Variants in USP49 observed in about 807,000 individuals in gnomAD.
The protein encoded by USP49 is ubiquitin carboxyl-terminal hydrolase 49.
USP49 carries 24 observed loss-of-function variants against 58.6 expected under a neutral mutation model. The observed-to-expected ratio is 0.41, with a 90% CI of 0.30 to 0.58. The LOEUF (loss-of-function observed/expected upper bound fraction) is 0.58, where lower values mean the gene tolerates loss of function less well. USP49 is among the 20% of genes least tolerant of loss of function. The pLI is 0.30. For missense variants in USP49, 703 were observed against 866.1 expected (o/e 0.81, Z 2.36); for synonymous variants, 408 against 365.1 (o/e 1.12, Z -1.34).
chr6:41,806,677 G>C lies in USP49; in HGVS notation c.307C>G (p.Arg103Gly), dbSNP rs79607937. The C allele has an allele frequency of 1.9e-6, 3 of 1,614,124 alleles. No individual in the cohort carries two copies. The highest frequency in any genetic ancestry group is 2.5e-6 in the Non-Finnish European group (3 of 1,180,030). The part of the protein sequence containing the change: ...KLLRSSLLAV[R>G]GQKQDTPVRR... Reference sequence around the variant, plus strand: ...ACCGGCGTGTCCTGTTTCTGGCCCCGGACCGCCAGGAGGGAGCTTCTTAGC... The same window carrying C: ...ACCGGCGTGTCCTGTTTCTGGCCCCCGACCGCCAGGAGGGAGCTTCTTAGC... Residue 103 changes from arginine (R) to glycine (G), a missense_variant, in exon 4 of 8, where the codon CGG (arginine) becomes GGG (glycine). Physicochemically the swap from Arg to Gly is moderately radical, Grantham distance 125. Transcript: ENST00000682992. This position sits in a 1 kb window ranked among gnomAD's most constrained non-coding sequence, Gnocchi z 5.9.
chr6:41,876,074 C>T (rs111595888), intron 2 of USP49, among the ~76,000 whole-genome samples: 3,550 of 152,206 alleles, frequency 0.023, 114 homozygotes, highest in African/African-American at 0.074. Context: ...AAATGTCTTA[C>T]GACAAAAAGT....
intron 2 of USP49, among the ~76,000 whole-genome samples, chr6:41,888,506 T>C (rs983048449): frequency 1.3e-5 from 2 of 152,052 alleles, no homozygotes; most frequent in Non-Finnish European, 2.9e-5. Context: ...CAGGCTGGAG[T>C]ACAACAGCAC....
At chr6:41,839,370 G>A (rs1178656074) in intron 3 of USP49, among the ~76,000 whole-genome samples, 3 of 122,910 alleles carry the variant, frequency 2.4e-5, no homozygotes, top group African/African-American at 9.3e-5. Context: ...GTGCCACTGC[G>A]CTCCAGTCTG....
At chr6:41,842,898 C>T (rs191548482) in intron 3 of USP49, among the ~76,000 whole-genome samples, 161 of 150,520 alleles carry the variant, frequency 1.1e-3, no homozygotes, top group African/African-American at 3.5e-3. Context: ...ACTATATATA[C>T]ATGAATATGT....
chr6:41,883,817 C>T (rs1306612444), intron 2 of USP49, among the ~76,000 whole-genome samples: 1 of 151,836 alleles, frequency 6.6e-6, no homozygotes, highest in Non-Finnish European at 1.5e-5. Context: ...TGGGTCTGTG[C>T]CCCTGAGAAT....
At chr6:41,859,462 C>G (rs1774182918) in intron 3 of USP49, among the ~76,000 whole-genome samples, 2 of 152,188 alleles carry the variant, frequency 1.3e-5, no homozygotes, top group Admixed American at 6.5e-5. Flanking sequence ...AGCATACCTT[C>G]TATGTGCTCT....
intron 5 of USP49, among the ~76,000 whole-genome samples, chr6:41,800,441 C>T: frequency 6.6e-6 from 1 of 152,190 alleles, no homozygotes; most frequent in Non-Finnish European, 1.5e-5. Context: ...CTGTTACAAG[C>T]AACTCAAATC....
intron 3 of USP49, among the ~76,000 whole-genome samples, chr6:41,820,230 C>A (rs551833257): frequency 8.0e-5 from 12 of 150,866 alleles, no homozygotes; most frequent in African/African-American, 2.9e-4. Flanking sequence ...ATACAGTGAG[C>A]TGCACATATT....
At position 41,790,904 on chromosome 6, in the gene USP49, C is replaced by T. The variant is rs1561898935; in HGVS notation, c.*5629G>A. ...AGGGTCACATGAGAGCAAAGCTTAG[C>T]TTTGAAGCCATCACCTCCCAAATGG... On this transcript the variant is annotated 3_prime_UTR_variant, in exon 8 of 8. Coordinates refer to ENST00000682992, the MANE Select transcript of USP49 (RefSeq NM_001286554.2). 1 of 152,150 alleles carries T rather than the reference C, an allele frequency of 6.6e-6. No individual in the cohort carries two copies. Among genetic ancestry groups the T allele is most frequent in the Admixed American group, 6.5e-5 (1 of 15,282 alleles). The allele number at this position is 152,150 out of a possible 1,614,324, so 9.4% of individuals were successfully genotyped here.
chr6:41,827,306 C>G (rs1262336773), intron 3 of USP49, among the ~76,000 whole-genome samples: 1 of 152,120 alleles, frequency 6.6e-6, no homozygotes, highest in African/African-American at 2.4e-5. Context: ...GAGTAAGAAG[C>G]TAGCTAGCTG....
intron 2 of USP49, among the ~76,000 whole-genome samples, chr6:41,885,321 C>CA (rs1286948969): frequency 2.0e-5 from 3 of 151,794 alleles, no homozygotes; most frequent in Admixed American, 6.6e-5. Flanking sequence ...TTCAAACAAA[C>CA]AAAAAAAATT....
Position 41,806,052 on chromosome 6 carries a change from G to A in USP49, c.932C>T (p.Ser311Leu), listed in dbSNP as rs1418944229. Residue 311 changes from serine to leucine, a missense_variant, in exon 4 of 8, where the codon TCG (serine) becomes TTG (leucine). Ser to Leu is a moderately radical substitution (Grantham distance 145). Coordinates refer to ENST00000682992, the MANE Select transcript of USP49 (RefSeq NM_001286554.2). This position sits in a 1 kb window ranked among gnomAD's most constrained non-coding sequence, Gnocchi z 5.9. ...TQLSGKPTNS[S>L]ATELSLRNDR... ...ATTTCTCAAGGACAGCTCCGTGGCC[G>A]AGCTGTTGGTTGGCTTGCCAGAAAG... is the stretch of plus-strand genomic sequence containing the variant. The A allele has an allele frequency of 3.7e-6, 6 of 1,613,932 alleles. No individual in the cohort carries two copies. Among genetic ancestry groups the A allele is most frequent in the East Asian group, 2.2e-5 (1 of 44,894 alleles).
rs1474991488 is a variant in USP49, at chr6:41,791,788, C to A, written c.*4745G>T. 2.6e-5 allele frequency: 4 copies of A among 152,184 alleles called. No individual in the cohort carries two copies. The highest frequency in any genetic ancestry group is 9.7e-5 in the African/African-American group (4 of 41,436). The allele number at this position is 152,184 out of a possible 1,614,324, so 9.4% of individuals were successfully genotyped here. On this transcript the variant is annotated 3_prime_UTR_variant, in exon 8 of 8. Coordinates refer to ENST00000682992, the MANE Select transcript of USP49 (RefSeq NM_001286554.2). ...AATTAAAGTCATAGTCCTGGCCCAA[C>A]AGAACAGTTACTAAATGTAAGATAC...
At chr6:41,822,719 C>T (rs1402342849) in intron 3 of USP49, among the ~76,000 whole-genome samples, 1 of 152,034 alleles carries the variant, frequency 6.6e-6, no homozygotes, top group Non-Finnish European at 1.5e-5. Flanking sequence ...GTGGCGCGCG[C>T]CTGTCGTCTC....
intron 3 of USP49, among the ~76,000 whole-genome samples, chr6:41,837,840 A>G (rs977043646): frequency 4.6e-5 from 7 of 152,258 alleles, no homozygotes; most frequent in African/African-American, 1.7e-4. Context: ...GTGGCCAACA[A>G]GCATATGAAA....
intron 5 of USP49, among the ~76,000 whole-genome samples, chr6:41,802,455 TA>T (rs1174570656): frequency 0.018 from 1,692 of 94,216 alleles, 50 homozygotes; most frequent in Non-Finnish European, 0.023. Context: ...TTTATTTATT[TA>T]TTTATTTATT....
chr6:41,837,763 A>G (rs1287194999), intron 3 of USP49, among the ~76,000 whole-genome samples: 1 of 152,222 alleles, frequency 6.6e-6, no homozygotes, highest in Non-Finnish European at 1.5e-5. Flanking sequence ...AACAAGCAAA[A>G]AACAAACAGC....
chr6:41,878,918 A>T (rs1028042785), intron 2 of USP49, among the ~76,000 whole-genome samples: 6 of 152,232 alleles, frequency 3.9e-5, no homozygotes, highest in African/African-American at 1.4e-4. Flanking sequence ...GCAGCAACAC[A>T]CAGGCCCAAG....
intron 3 of USP49, among the ~76,000 whole-genome samples, chr6:41,812,315 G>A (rs1440985534): frequency 6.6e-6 from 1 of 151,482 alleles, no homozygotes; most frequent in Non-Finnish European, 1.5e-5. Context: ...CCGACCTCAG[G>A]TGATCCGCCT....
Sources: gnomAD v4.1 joint callset for allele counts (sites outside exome capture counted in the v4.1 genomes callset) on GRCh38, gnomAD v4.1.1 for gene constraint, Gnocchi (gnomAD v3.1) non-coding constraint, MANE v1.5 for transcripts, NCBI Gene and HGNC (gene_info 2026-07-23, HGNC 2026-07-21) for gene names.